GJA5: variants seen among roughly 807,000 people sequenced by gnomAD.
GJA5 encodes the protein gap junction alpha-5 protein.
A neutral mutation model predicts 7.9 loss-of-function variants in GJA5; 3 were observed. The observed-to-expected ratio is 0.38, with a 90% CI of 0.17 to 0.99. GJA5 has a LOEUF of 0.99. GJA5 is among the 50% of genes least tolerant of loss of function. The pLI is 0.38. For missense variants in GJA5, 390 were observed against 457.9 expected (o/e 0.85, Z 1.35); for synonymous variants, 193 against 181.0 (o/e 1.07, Z -0.53).
At chr1:147,771,380 A>C (rs1265750575) in intron 1 of GJA5, among the ~76,000 whole-genome samples, 1 of 152,164 alleles carries the variant, frequency 6.6e-6, no homozygotes, top group African/African-American at 2.4e-5. Flanking sequence ...ATGAGTGAGC[A>C]GGGCAGGGTG....
At chr1:147,760,211 T>G (rs587696610) in intron 1 of GJA5, among the ~76,000 whole-genome samples, 1 of 152,256 alleles carries the variant, frequency 6.6e-6, no homozygotes, top group Non-Finnish European at 1.5e-5. Flanking sequence ...CTGCCCACCC[T>G]TATGTCCAGA....
upstream of GJA5, among the ~76,000 whole-genome samples, chr1:147,762,712 G>A (rs782155412): frequency 1.3e-5 from 2 of 152,164 alleles, no homozygotes; most frequent in Non-Finnish European, 2.9e-5. Context: ...TAGCTACCAT[G>A]TACCAGATGC....
rs190821242 is a variant in GJA5, at chr1:147,770,181, A to T, written c.-34+3071T>A. Among the ~76,000 whole-genome samples the T allele has an allele frequency of 4.2e-3, 633 of 152,296 alleles. 3 individuals carry two copies. Among genetic ancestry groups the T allele is most frequent in the Admixed American group, 7.4e-3 (113 of 15,298 alleles). On this transcript the variant is annotated intron_variant, in intron 1 of 1. Transcript: ENST00000430508. Reference sequence around the variant, plus strand: ...AAATCCCCTGTGAAAATGCAATGTTATCATTTCATGAAGAGAGGCTCTTTT... The same window carrying T: ...AAATCCCCTGTGAAAATGCAATGTTTTCATTTCATGAAGAGAGGCTCTTTT...
rs371086800 is a variant in GJA5 at position 147,758,647 on chromosome 1, C to T, written c.592G>A (p.Val198Ile). The T allele has an allele frequency of 1.5e-5, 24 of 1,614,028 alleles. 1 individual carries two copies. Among genetic ancestry groups the T allele is most frequent in the Middle Eastern group, 3.3e-4 (2 of 6,084 alleles). The change falls in exon 2 of 2, where the codon GTA becomes ATA. Residue 198 changes from valine (V) to isoleucine (I), a missense_variant. Transcript: ENST00000579774. Reference protein sequence around the residue: ...SPCPHPVNCYVSRPTEKNVFI... With the variant: ...SPCPHPVNCYISRPTEKNVFI... ...ACATTCTTCTCTGTGGGCCGGGATA[C>T]GTAACAGTTGACCGGGTGGGGACAG... is the stretch of plus-strand genomic sequence containing the variant.
chr1:147,765,666 G>A (rs1664173500), intron 1 of GJA5, among the ~76,000 whole-genome samples: 1 of 152,206 alleles, frequency 6.6e-6, no homozygotes, highest in Non-Finnish European at 1.5e-5. Context: ...TAGCAGGCAG[G>A]AGCAGATTGT....
Position 147,758,514 on chromosome 1 carries a change from C to G in GJA5, c.725G>C (p.Arg242Pro). The G allele has an allele frequency of 6.2e-7, 1 of 1,613,966 alleles. No homozygotes were observed. Among genetic ancestry groups the G allele is most frequent in the Non-Finnish European group, 8.5e-7 (1 of 1,179,880 alleles). The change falls in exon 2 of 2, where the codon CGG (arginine) becomes CCG (proline). Residue 242 changes from arginine (R) to proline (P), a missense_variant. This residue lies in a region of GJA5 where 354 missense variants were observed against 370.9 expected (regional missense o/e 0.95). Coordinates refer to ENST00000579774, the MANE Select transcript of GJA5 (RefSeq NM_181703.4). ...KKIRQRFVKP[R>P]QHMAKCQLSG... Reference sequence around the variant, plus strand: ...AAGCTGGCACTTAGCCATGTGCTGCCGCGGTTTGACAAATCGCTGTCTGAT... The same window carrying G: ...AAGCTGGCACTTAGCCATGTGCTGCGGCGGTTTGACAAATCGCTGTCTGAT...
At chr1:147,763,012 T>C (rs1664076705), upstream of GJA5, among the ~76,000 whole-genome samples, 1 of 152,222 alleles carries the variant, frequency 6.6e-6, no homozygotes, top group African/African-American at 2.4e-5. Flanking sequence ...ACTTAGAAAG[T>C]CCAAACTGCT....
At position 147,757,931 on chromosome 1, in the gene GJA5, A is replaced by G; in HGVS notation, c.*231T>C. The G allele has an allele frequency of 1.7e-6, 1 of 573,862 alleles. No homozygotes were observed. Among genetic ancestry groups the G allele is most frequent in the South Asian group, 2.0e-5 (1 of 48,820 alleles). 35.5% of individuals were successfully genotyped at this position (573,862 alleles called of 1,614,324 possible). A position where few individuals can be genotyped will look rare whatever the true frequency, so the allele number is the denominator to read the frequency against. On this transcript the variant is annotated 3_prime_UTR_variant, in exon 2 of 2. Transcript: ENST00000579774. Reference sequence around the variant, plus strand: ...ATGAGTAATCTGAAAGGCTTCGTATACTGGGTAGAGGGTGGGGAGGGAACT... The same window carrying G: ...ATGAGTAATCTGAAAGGCTTCGTATGCTGGGTAGAGGGTGGGGAGGGAACT...
upstream of GJA5, among the ~76,000 whole-genome samples, chr1:147,764,143 C>T (rs1179675190): frequency 6.6e-6 from 1 of 152,158 alleles, no homozygotes; most frequent in Non-Finnish European, 1.5e-5. Flanking sequence ...CCTACACGGC[C>T]AGTGTTTTTC....
upstream of GJA5, among the ~76,000 whole-genome samples, chr1:147,763,900 C>T (rs180855202): frequency 2.3e-4 from 35 of 152,244 alleles, no homozygotes; most frequent in Admixed American, 2.3e-3. Flanking sequence ...ACCTCTGCCT[C>T]CCAGTTTCAA....
chr1:147,767,962 T>G (rs587617608), intron 1 of GJA5, among the ~76,000 whole-genome samples: 1 of 152,326 alleles, frequency 6.6e-6, no homozygotes, highest in Admixed American at 6.5e-5. Context: ...AATTCTTACA[T>G]TTAGGATTTT....
Position 147,759,097 on chromosome 1 carries a change from C to T in GJA5, c.142G>A (p.Glu48Lys). 2 of 1,612,634 alleles carry T rather than the reference C, an allele frequency of 1.2e-6. No homozygotes were observed. The highest frequency in any genetic ancestry group is 1.7e-6 in the Non-Finnish European group (2 of 1,179,242). Reference protein sequence around the residue: ...GTAAESSWGDEQADFRCDTIQ... With the variant: ...GTAAESSWGDKQADFRCDTIQ... ...GTATCACACCGGAAATCAGCCTGCT[C>T]ATCCCCCCAGGAAGACTCAGCAGCT... The change falls in exon 2 of 2, where the codon GAG (glutamate) becomes AAG (lysine). Residue 48 changes from glutamate (E) to lysine (K), a missense_variant. Glu to Lys is a moderately conservative substitution (Grantham distance 56). This residue lies in a region of GJA5 where 36 missense variants were observed against 87.1 expected (regional missense o/e 0.41). Coordinates refer to ENST00000579774, the MANE Select transcript of GJA5 (RefSeq NM_181703.4).
chr1:147,761,517 T>A (rs1438161245), upstream of GJA5, among the ~76,000 whole-genome samples: 1 of 152,202 alleles, frequency 6.6e-6, no homozygotes, highest in Admixed American at 6.5e-5. Context: ...AGGGAGTTCC[T>A]GAGTGAGCGG....
At chr1:147,760,216 T>G (rs1177313342) in intron 1 of GJA5, among the ~76,000 whole-genome samples, 12 of 152,110 alleles carry the variant, frequency 7.9e-5, no homozygotes, top group African/African-American at 2.7e-4. Flanking sequence ...CACCCTTATG[T>G]CCAGAATAAA....
chr1:147,768,742 C>T (rs1664297890), intron 1 of GJA5, among the ~76,000 whole-genome samples: 1 of 152,148 alleles, frequency 6.6e-6, no homozygotes, highest in Admixed American at 6.5e-5. Flanking sequence ...TCTAACCCTC[C>T]CATTAACACT....
intron 1 of GJA5, among the ~76,000 whole-genome samples, chr1:147,767,429 C>T (rs1664245750): frequency 6.7e-6 from 1 of 149,670 alleles, no homozygotes; most frequent in South Asian, 2.1e-4. Context: ...ACTTTGTCAC[C>T]CAGGCTGGAG....
At chr1:147,766,527 G>A (rs1456567595) in intron 1 of GJA5, among the ~76,000 whole-genome samples, 1 of 152,128 alleles carries the variant, frequency 6.6e-6, no homozygotes, top group African/African-American at 2.4e-5. Flanking sequence ...ACACCAGGGA[G>A]ATGGAAGCCA....
chr1:147,758,871 T>G lies in GJA5; in HGVS notation c.368A>C (p.Tyr123Ser). The G allele has an allele frequency of 6.2e-7, 1 of 1,614,182 alleles. No homozygotes were observed. The highest frequency in any genetic ancestry group is 8.5e-7 in the Non-Finnish European group (1 of 1,180,016). ...RAKEVRGSGS[Y>S]EYPVAEKAEL... is the part of the protein sequence containing the mutation. The stretch of plus-strand genomic sequence containing the variant: ...TGCCTTCTCTGCCACCGGGTACTCG[T>G]AAGAGCCAGAGCCCCGGACCTCTTT... The change falls in exon 2 of 2, where the codon TAC (tyrosine) becomes TCC (serine). Residue 123 changes from tyrosine (Y) to serine (S), a missense_variant. This residue lies in a region of GJA5 where 354 missense variants were observed against 370.9 expected (regional missense o/e 0.95). Coordinates refer to ENST00000579774, the MANE Select transcript of GJA5 (RefSeq NM_181703.4).
In GJA5 at chr1:147,769,563, TTCCAGTAAAAAC is replaced by T. The variant is rs140219805; in HGVS notation, c.-34+3677_-34+3688del. On this transcript the variant is annotated intron_variant, in intron 1 of 1. Transcript: ENST00000430508. ...AGTTCCTTGTTTTCTTTTCTGACAT[TTCCAGTAAAAAC>T]TCCTCTCAGACATGATCCAACTAGC... Among the ~76,000 whole-genome samples, 1,260 of 152,298 alleles carry T rather than the reference TTCCAGTAAAAAC, an allele frequency of 8.3e-3. 4 individuals carry two copies. The highest frequency in any genetic ancestry group is 0.014 in the Non-Finnish European group (950 of 68,028).
Sources: allele counts gnomAD v4.1 joint callset (sites outside exome capture counted in the v4.1 genomes callset), GRCh38; gene constraint gnomAD v4.1.1; regional missense constraint gnomAD v4.1.1; transcripts MANE v1.5; gene names NCBI Gene and HGNC (gene_info 2026-07-23, HGNC 2026-07-21).